ZNHIT6: variants seen among roughly 807,000 people sequenced by gnomAD.
ZNHIT6 encodes zinc finger HIT-type containing 6, also known as box C/D snoRNA protein 1.
In ZNHIT6, 45 loss-of-function variants were observed where a neutral mutation model predicts 57.2. The ratio of observed to expected loss-of-function variants is 0.79; its 90% CI spans 0.62 to 1.01. ZNHIT6 has a LOEUF of 1.01. ZNHIT6 is among the 50% of genes least tolerant of loss of function. The pLI is 0.00. For missense variants in ZNHIT6, 528 were observed against 567.3 expected (o/e 0.93, Z 0.70); for synonymous variants, 188 against 190.0 (o/e 0.99, Z 0.09).
intron 5 of ZNHIT6, among the ~76,000 whole-genome samples, chr1:85,700,806 ATTACT>A (rs780750613): frequency 6.6e-6 from 1 of 152,292 alleles, no homozygotes; most frequent in African/African-American, 2.4e-5. Flanking sequence ...AATGCAAGAC[ATTACT>A]TTACTTTTTT....
intron 8 of ZNHIT6, among the ~76,000 whole-genome samples, chr1:85,666,750 T>TA (rs535492378): frequency 1.5e-4 from 23 of 152,296 alleles, no homozygotes; most frequent in Admixed American, 1.2e-3. Flanking sequence ...TTTGAGATGA[T>TA]AAAAAAAGTT....
Position 85,653,242 on chromosome 1 carries a change from T to C in ZNHIT6, c.*816A>G, listed in dbSNP as rs975552982. The C allele has an allele frequency of 1.3e-5, 2 of 152,200 alleles. No homozygotes were observed. Among genetic ancestry groups the C allele is most frequent in the African/African-American group, 4.8e-5 (2 of 41,448 alleles). The allele number at this position is 152,200 out of a possible 1,614,324, so 9.4% of individuals were successfully genotyped here. ...AGTTAATAGTATTTATCCAGGCTTC[T>C]AGTATAAGACATTGTACTAGGAGTT... On this transcript the variant is annotated 3_prime_UTR_variant, in exon 10 of 10. Coordinates refer to ENST00000370574, the MANE Select transcript of ZNHIT6 (RefSeq NM_017953.4).
intron 1 of ZNHIT6, 125 bp from the exon 2 acceptor site, chr1:85,706,632 A>C: frequency 1.2e-6 from 1 of 864,100 alleles, no homozygotes; most frequent in Admixed American, 3.7e-5. Context: ...ATAGCTGTTG[A>C]ACATCATTTG....
intron 8 of ZNHIT6, among the ~76,000 whole-genome samples, chr1:85,664,326 T>A (rs1661306192): frequency 6.6e-6 from 1 of 152,188 alleles, no homozygotes; most frequent in Non-Finnish European, 1.5e-5. Flanking sequence ...TTCCTCAGCT[T>A]GGTCTAGTCT....
At chr1:85,654,848 T>A (rs1041143954) in intron 9 of ZNHIT6, among the ~76,000 whole-genome samples, 46 of 152,280 alleles carry the variant, frequency 3.0e-4, no homozygotes, top group African/African-American at 1.1e-3. Flanking sequence ...AAAATATAGG[T>A]TATTTTGAGG....
intron 8 of ZNHIT6, among the ~76,000 whole-genome samples, chr1:85,673,486 G>T (rs1661622354): frequency 1.3e-5 from 2 of 152,120 alleles, no homozygotes; most frequent in African/African-American, 4.8e-5. Flanking sequence ...TGAGACAATT[G>T]CTATATACCT....
Position 85,656,860 on chromosome 1 carries a change from C to T in ZNHIT6, c.1372+987G>A, listed in dbSNP as rs118027250. Reference sequence around the variant, plus strand: ...TAATTTTTGCAAAGAAAAAACACTACGCACAACAGAGAATACCTTACAATA... The same window carrying T: ...TAATTTTTGCAAAGAAAAAACACTATGCACAACAGAGAATACCTTACAATA... On this transcript the variant is annotated intron_variant, in intron 9 of 9. Transcript: ENST00000370574. Among the ~76,000 whole-genome samples the T allele has an allele frequency of 1.8e-3, 280 of 152,146 alleles. 4 individuals carry two copies. The East Asian group carries it at 0.031, about 17-fold the overall frequency.
At chr1:85,681,668 C>T (rs1230751535) in intron 5 of ZNHIT6, among the ~76,000 whole-genome samples, 2 of 152,150 alleles carry the variant, frequency 1.3e-5, no homozygotes, top group African/African-American at 4.8e-5. Flanking sequence ...TATCCCATAG[C>T]AGTAGGACCC....
chr1:85,671,569 A>G (rs974141531), intron 8 of ZNHIT6, among the ~76,000 whole-genome samples: 19 of 152,210 alleles, frequency 1.2e-4, no homozygotes, highest in African/African-American at 4.6e-4. Context: ...TGTGGAACTT[A>G]AACACCTCTT....
chr1:85,653,661 G>A lies in ZNHIT6; in HGVS notation c.*397C>T, dbSNP rs1660977073. 6.4e-6 allele frequency: 1 copy of A among 155,828 alleles called. No homozygotes were observed. The highest frequency in any genetic ancestry group is 6.5e-5 in the Admixed American group (1 of 15,316). The allele number at this position is 155,828 out of a possible 1,614,324, so 9.7% of individuals were successfully genotyped here. A position where few individuals can be genotyped will look rare whatever the true frequency, so the allele number is the denominator to read the frequency against. On this transcript the variant is annotated 3_prime_UTR_variant, in exon 10 of 10. Coordinates refer to ENST00000370574, the MANE Select transcript of ZNHIT6 (RefSeq NM_017953.4). ...TGTGGTGGTACCAGCCTGTTGGGAG[G>A]CTGCAGTGAGAGGACCATTCGAGCC...
In ZNHIT6 at chr1:85,707,735, C is replaced by T. The variant is rs183000265; in HGVS notation, c.550G>A (p.Glu184Lys). 75 of 1,613,722 alleles carry T rather than the reference C, an allele frequency of 4.6e-5. No individual in the cohort carries two copies. In the East Asian group the frequency reaches 1.3e-3, roughly 28 times the overall value. Residue 184 changes from glutamate to lysine, a missense_variant, in exon 1 of 10, where the codon GAA becomes AAA. Transcript: ENST00000370574. ...EELMHGECVK[E>K]EKDFLKKEIV... ...TCTTTCTTCAGGAAATCCTTCTCTT[C>T]TTTTACACACTCTCCATGCATCAAT...
At chr1:85,690,823 C>T (rs1177796508) in intron 5 of ZNHIT6, among the ~76,000 whole-genome samples, 5 of 152,132 alleles carry the variant, frequency 3.3e-5, no homozygotes, top group Admixed American at 6.5e-5. Flanking sequence ...GTCAGGAAGT[C>T]GAGACCAGCC....
rs550952943 is a variant in ZNHIT6 at position 85,705,873 on chromosome 1, G to A, written c.915+205C>T. Reference sequence around the variant, plus strand: ...CTTAACTCTATCTGAAATTACATTTGTTCCTCTACTTATCTCCTATATCTC... The same window carrying A: ...CTTAACTCTATCTGAAATTACATTTATTCCTCTACTTATCTCCTATATCTC... On this transcript the variant is annotated intron_variant, in intron 4 of 9. Transcript: ENST00000370574. Among the ~76,000 whole-genome samples, 155 of 152,104 alleles carry A rather than the reference G, an allele frequency of 1.0e-3. 1 individual carries two copies. The highest frequency in any genetic ancestry group is 3.6e-3 in the African/African-American group (151 of 41,478).
At position 85,655,099 on chromosome 1, in the gene ZNHIT6, T is replaced by C. The variant is rs567923620; in HGVS notation, c.1373-1001A>G. On this transcript the variant is annotated intron_variant, in intron 9 of 9. Transcript: ENST00000370574. ...GAGTAAGGCACTGAAATAAGTTCCA[T>C]CCAAGATATCATCCCAATCTTTGTG... Among the ~76,000 whole-genome samples, 7 of 152,308 alleles carry C rather than the reference T, an allele frequency of 4.6e-5. No homozygotes were observed. In the South Asian group the frequency reaches 1.5e-3, roughly 32 times the overall value.
chr1:85,685,425 AAC>A (rs529002829), intron 5 of ZNHIT6, among the ~76,000 whole-genome samples: 40 of 152,290 alleles, frequency 2.6e-4, no homozygotes, highest in African/African-American at 8.4e-4. Context: ...TTATATTTAA[AAC>A]ACAGGTTTAT....
chr1:85,695,042 C>T (rs1662327743), intron 5 of ZNHIT6, among the ~76,000 whole-genome samples: 1 of 151,946 alleles, frequency 6.6e-6, no homozygotes, highest in Non-Finnish European at 1.5e-5. Context: ...GGTGGGTGGA[C>T]TGCCTGAGCT....
At chr1:85,679,975 A>T (rs1418033478) in intron 6 of ZNHIT6, among the ~76,000 whole-genome samples, 1 of 152,180 alleles carries the variant, frequency 6.6e-6, no homozygotes, top group Non-Finnish European at 1.5e-5. Flanking sequence ...GGAGGCAGAG[A>T]GGGGAGGATT....
chr1:85,673,477 G>A (rs1246168728), intron 8 of ZNHIT6, among the ~76,000 whole-genome samples: 1 of 152,182 alleles, frequency 6.6e-6, no homozygotes, highest in African/African-American at 2.4e-5. Context: ...TCTATATCAT[G>A]AGACAATTGC....
intron 8 of ZNHIT6, among the ~76,000 whole-genome samples, chr1:85,673,214 T>C (rs1190725358): frequency 2.0e-5 from 3 of 152,206 alleles, no homozygotes; most frequent in Non-Finnish European, 2.9e-5. Context: ...CCTCAATGTC[T>C]AGAACAGCAT....
Sources: gnomAD v4.1 joint callset for allele counts (sites outside exome capture counted in the v4.1 genomes callset) on GRCh38, gnomAD v4.1.1 for gene constraint, MANE v1.5 for transcripts, NCBI Gene and HGNC (gene_info 2026-07-23, HGNC 2026-07-21) for gene names.